Variants in ABCB7 observed in about 807,000 individuals in gnomAD.
ABCB7 encodes ATP binding cassette subfamily B member 7.
In ABCB7, 7 loss-of-function variants were observed where a neutral mutation model predicts 54.4. The observed-to-expected ratio is 0.13, with a 90% confidence interval of 0.07 to 0.24. The LOEUF (loss-of-function observed/expected upper bound fraction) is 0.24, where lower values mean the gene tolerates loss of function less well. Among genes scored for constraint, ABCB7 ranks in the 10% least tolerant of loss-of-function variants. The pLI is 1.00. For synonymous variants in ABCB7, 218 were observed against 207.1 expected (o/e 1.05, Z -0.45); for missense variants, 356 against 570.4 (o/e 0.62, Z 3.83).
At position 75,114,738 on chromosome X, in the gene ABCB7, G is replaced by A. The variant is rs372469000; in HGVS notation, c.246+16C>T. The A allele has an allele frequency of 5.1e-6, 6 of 1,187,382 alleles. No homozygotes were observed. The African/African-American group carries it at 1.1e-4, about 21-fold the overall frequency. On this transcript the variant is annotated intron_variant, in intron 2 of 15. Coordinates refer to ENST00000373394, the MANE Select transcript of ABCB7 (RefSeq NM_001271696.3). ...GTTTTTCCTAGCTATATGTAGACAT[G>A]TTTGCTCAATCTTACCTTTGCAGCA...
chrX:75,128,165 A>C (rs1367923343), intron 1 of ABCB7, among the ~76,000 whole-genome samples: 1 of 111,761 alleles, frequency 8.9e-6, no homozygotes, highest in Non-Finnish European at 1.9e-5. Context: ...AAAAGAAAAA[A>C]GCTGGAGGCA....
chrX:75,153,062 TTTG>T (rs758630764), intron 1 of ABCB7, among the ~76,000 whole-genome samples: 1 of 109,611 alleles, frequency 9.1e-6, no homozygotes, highest in Non-Finnish European at 1.9e-5. Flanking sequence ...AAGTTCTGTT[TTTG>T]TTGTTGTTGT....
chrX:75,110,641 G>A (rs1051530384), intron 3 of ABCB7, among the ~76,000 whole-genome samples: 1 of 111,471 alleles, frequency 9.0e-6, no homozygotes, highest in African/African-American at 3.3e-5. Flanking sequence ...CTTTCATTAG[G>A]GTCTTCATTA....
At chrX:75,137,079 CAACT>C (rs757670899) in intron 1 of ABCB7, among the ~76,000 whole-genome samples, 149 of 112,012 alleles carry the variant, frequency 1.3e-3, no homozygotes, top group African/African-American at 4.2e-3. Flanking sequence ...AAGAAACAAC[CAACT>C]GAGTAAATAG....
intron 3 of ABCB7, among the ~76,000 whole-genome samples, chrX:75,100,960 C>T (rs1396380519): frequency 9.0e-6 from 1 of 111,320 alleles, no homozygotes; most frequent in Non-Finnish European, 1.9e-5. Context: ...ATAGAGTGAA[C>T]ACATACAACA....
At chrX:75,099,125 T>A in intron 3 of ABCB7, 64 bp from the exon 4 acceptor site, 1 of 1,094,249 alleles carries the variant, frequency 9.1e-7, no homozygotes, top group Non-Finnish European at 1.2e-6. Flanking sequence ...CATAATTCAA[T>A]AACGTAGAAT....
chrX:75,077,272 C>A (rs1288527988), intron 4 of ABCB7, among the ~76,000 whole-genome samples: 2 of 111,587 alleles, frequency 1.8e-5, no homozygotes, highest in Non-Finnish European at 3.8e-5. Context: ...GCTTCTTTGC[C>A]CCAATACCAC....
At chrX:75,137,020 A>G (rs897769963) in intron 1 of ABCB7, among the ~76,000 whole-genome samples, 1 of 112,554 alleles carries the variant, frequency 8.9e-6, no homozygotes, top group Non-Finnish European at 1.9e-5. Flanking sequence ...AACAAAAACA[A>G]AAATTGACAA....
intron 12 of ABCB7, among the ~76,000 whole-genome samples, chrX:75,067,892 G>A (rs904655083): frequency 9.0e-6 from 1 of 111,179 alleles, no homozygotes; most frequent in African/African-American, 3.3e-5. Flanking sequence ...CTCCAAAATC[G>A]TAACTGGGGT....
chrX:75,068,600 C>T (rs778771229), intron 12 of ABCB7, among the ~76,000 whole-genome samples: 8 of 111,830 alleles, frequency 7.2e-5, no homozygotes, highest in South Asian at 3.7e-4. Context: ...TAGTAGTTTC[C>T]GTTTTCTGAA....
At chrX:75,121,064 G>A (rs765419538) in intron 1 of ABCB7, among the ~76,000 whole-genome samples, 7 of 110,194 alleles carry the variant, frequency 6.4e-5, no homozygotes, top group South Asian at 3.9e-4. Context: ...TGAGGCGGGC[G>A]GATCACTTGG....
At chrX:75,113,291 GC>G (rs1190641113) in intron 2 of ABCB7, among the ~76,000 whole-genome samples, 3 of 111,921 alleles carry the variant, frequency 2.7e-5, no homozygotes, top group African/African-American at 9.7e-5. Flanking sequence ...CTACTATAGT[GC>G]CGATAATCTC....
chrX:75,148,984 TTATAG>T (rs1437288544), intron 1 of ABCB7, among the ~76,000 whole-genome samples: 2 of 111,625 alleles, frequency 1.8e-5, no homozygotes, highest in Non-Finnish European at 3.8e-5. Flanking sequence ...TATTACAATA[TTATAG>T]TATAAGTTAC....
chrX:75,100,363 G>A (rs1417027976), intron 3 of ABCB7, among the ~76,000 whole-genome samples: 2 of 110,546 alleles, frequency 1.8e-5, no homozygotes, highest in Non-Finnish European at 1.9e-5. Flanking sequence ...GGCTTATAAG[G>A]CTCTGCTTGG....
intron 4 of ABCB7, chrX:75,097,664 C>T (rs2081603502): frequency 9.0e-6 from 1 of 111,243 alleles, no homozygotes; most frequent in African/African-American, 3.3e-5. Context: ...GAACTGGGTT[C>T]TAAAATAAAA....
At chrX:75,145,541 A>T (rs2082084703) in intron 1 of ABCB7, among the ~76,000 whole-genome samples, 1 of 112,108 alleles carries the variant, frequency 8.9e-6, no homozygotes, top group South Asian at 3.7e-4. Context: ...TATTCATGTT[A>T]AAAACTCTCA....
chrX:75,116,299 C>G (rs933769222), intron 1 of ABCB7, among the ~76,000 whole-genome samples: 2 of 110,616 alleles, frequency 1.8e-5, no homozygotes, highest in Admixed American at 9.6e-5. Flanking sequence ...ACCTGGAAGT[C>G]GCACCACCCC....
At chrX:75,082,281 G>A (rs1159812704) in intron 4 of ABCB7, among the ~76,000 whole-genome samples, 1 of 111,826 alleles carries the variant, frequency 8.9e-6, no homozygotes, top group Non-Finnish European at 1.9e-5. Flanking sequence ...CAGTAAGTGG[G>A]ACAACATTTT....
At chrX:75,115,792 G>T (rs774461809) in intron 1 of ABCB7, among the ~76,000 whole-genome samples, 6 of 106,901 alleles carry the variant, frequency 5.6e-5, no homozygotes, top group East Asian at 3.0e-4. Context: ...GTGTTGGGGG[G>T]GGGGGCACGG....
Sources: gnomAD v4.1 joint callset for allele counts (sites outside exome capture counted in the v4.1 genomes callset) on GRCh38, gnomAD v4.1.1 for gene constraint, MANE v1.5 for transcripts, NCBI Gene and HGNC (gene_info 2026-07-23, HGNC 2026-07-21) for gene names.